Variants in SLC14A2 observed in about 807,000 individuals in gnomAD.
SLC14A2 encodes solute carrier family 14 member 2, also known as urea transporter 2.
A neutral mutation model predicts 104.6 loss-of-function variants in SLC14A2; 91 were observed. The observed-to-expected ratio is 0.87, with a 90% CI of 0.73 to 1.04. The LOEUF is 1.04. Among genes scored for constraint, SLC14A2 ranks in the 50% least tolerant of loss-of-function variants. The pLI is 0.00. For synonymous variants in SLC14A2, 476 were observed against 466.4 expected (o/e 1.02, Z -0.27); for missense variants, 1,189 against 1,156.0 (o/e 1.03, Z -0.41).
intron 1 of SLC14A2, among the ~76,000 whole-genome samples, chr18:45,340,608 G>A (rs1423473869): frequency 2.6e-5 from 4 of 152,206 alleles, no homozygotes; most frequent in Non-Finnish European, 5.9e-5. Flanking sequence ...CCTAAAGCAA[G>A]TTAATGGTAA....
At chr18:45,306,884 C>A (rs957927376) in intron 1 of SLC14A2, among the ~76,000 whole-genome samples, 3 of 152,138 alleles carry the variant, frequency 2.0e-5, no homozygotes, top group Admixed American at 2.0e-4. Context: ...CCACAAGAAC[C>A]ATCTGTTCTC....
chr18:45,424,020 GA>G (rs2086386491), intron 1 of SLC14A2: 2 of 152,196 alleles, frequency 1.3e-5, no homozygotes, highest in South Asian at 4.1e-4. Context: ...CACTGTATTT[GA>G]GATATGCTAA....
chr18:45,215,395 A>G (rs531906816), intron 1 of SLC14A2, among the ~76,000 whole-genome samples: 15 of 152,210 alleles, frequency 9.9e-5, no homozygotes, highest in Admixed American at 2.0e-4. Flanking sequence ...AATTTGCCCT[A>G]GTTTTTCCCT....
intron 1 of SLC14A2, among the ~76,000 whole-genome samples, chr18:45,412,949 G>A (rs1598773582): frequency 6.6e-6 from 1 of 152,196 alleles, no homozygotes; most frequent in Non-Finnish European, 1.5e-5. Flanking sequence ...TTTTTCAAGA[G>A]AAAGCAAAAG....
chr18:45,668,842 G>A (rs889883572), intron 15 of SLC14A2, among the ~76,000 whole-genome samples: 33 of 152,042 alleles, frequency 2.2e-4, no homozygotes, highest in African/African-American at 6.0e-4. Flanking sequence ...CTAAATCCTT[G>A]GGACCCCTGA....
chr18:45,437,172 T>C (rs543681128), intron 1 of SLC14A2, among the ~76,000 whole-genome samples: 1 of 152,342 alleles, frequency 6.6e-6, no homozygotes, highest in South Asian at 2.1e-4. Context: ...TTCTCTCCGA[T>C]TTTTATTGCC....
intron 2 of SLC14A2, among the ~76,000 whole-genome samples, chr18:45,552,382 C>T (rs933323409): frequency 1.3e-5 from 2 of 151,928 alleles, no homozygotes; most frequent in Non-Finnish European, 2.9e-5. Context: ...CTCTCCCCCA[C>T]CCCCTGCATT....
chr18:45,381,199 G>A (rs2085830925), intron 1 of SLC14A2, among the ~76,000 whole-genome samples: 1 of 152,206 alleles, frequency 6.6e-6, no homozygotes. Flanking sequence ...ACCAGCTAGA[G>A]CTGAGCTCTC....
At chr18:45,223,311 C>T (rs927764893) in intron 1 of SLC14A2, among the ~76,000 whole-genome samples, 1 of 151,970 alleles carries the variant, frequency 6.6e-6, no homozygotes, top group Non-Finnish European at 1.5e-5. Context: ...AACAGCCCAC[C>T]GTGGGTCATG....
chr18:45,595,472 C>T (rs1047260690), intron 2 of SLC14A2, among the ~76,000 whole-genome samples: 4 of 151,830 alleles, frequency 2.6e-5, no homozygotes, highest in African/African-American at 9.7e-5. Flanking sequence ...TCAAACCCCA[C>T]ACTTTTGCCA....
chr18:45,593,064 T>A (rs2044671730), intron 2 of SLC14A2, among the ~76,000 whole-genome samples: 1 of 152,080 alleles, frequency 6.6e-6, no homozygotes, highest in Non-Finnish European at 1.5e-5. Flanking sequence ...ACGCCTGTAA[T>A]CCCAGCACTT....
chr18:45,485,267 A>C (rs2087579317), intron 2 of SLC14A2: 1 of 152,228 alleles, frequency 6.6e-6, no homozygotes, highest in Non-Finnish European at 1.5e-5. Context: ...GTATTACTAC[A>C]CTAAATGTAA....
intron 1 of SLC14A2, among the ~76,000 whole-genome samples, chr18:45,474,216 G>A (rs542902695): frequency 5.3e-4 from 80 of 152,236 alleles, no homozygotes; most frequent in Non-Finnish European, 8.7e-4. Flanking sequence ...CTTGCATCCC[G>A]GGGTTGAAGC....
intron 1 of SLC14A2, among the ~76,000 whole-genome samples, chr18:45,280,781 T>C (rs1197393812): frequency 6.6e-6 from 1 of 152,190 alleles, no homozygotes; most frequent in Non-Finnish European, 1.5e-5. Flanking sequence ...GTGGTCTGGC[T>C]TTTGACCCCT....
intron 2 of SLC14A2, among the ~76,000 whole-genome samples, chr18:45,563,642 TA>T (rs1184632001): frequency 1.3e-5 from 2 of 149,898 alleles, no homozygotes; most frequent in Non-Finnish European, 2.9e-5. Flanking sequence ...ATCATTTTTA[TA>T]GAGAGAATAC....
chr18:45,571,033 T>C (rs1213915414), intron 2 of SLC14A2, among the ~76,000 whole-genome samples: 1 of 152,190 alleles, frequency 6.6e-6, no homozygotes, highest in Non-Finnish European at 1.5e-5. Flanking sequence ...AAATGACATG[T>C]CATTAAAGGT....
At chr18:45,662,482 A>C (rs547279474) in intron 10 of SLC14A2, among the ~76,000 whole-genome samples, 2 of 152,270 alleles carry the variant, frequency 1.3e-5, no homozygotes, top group African/African-American at 4.8e-5. Context: ...ATCTTGTTAA[A>C]AGCCAATTCA....
rs2144550249 is a variant in SLC14A2, at chr18:45,639,795, A to T, written c.893A>T (p.Asn298Ile). The change falls in exon 7 of 20, where the codon AAT becomes ATT. Residue 298 changes from asparagine (N) to isoleucine (I), a missense_variant. Coordinates refer to ENST00000255226, the MANE Select transcript of SLC14A2 (RefSeq NM_007163.4). ...GTCGGCCAGGTGTATGGCTGTGACA[A>T]TCCCTGGACAGGCGGCGTGTTCCTG... ...VGVGQVYGCD[N>I]PWTGGVFLVA... is the part of the protein sequence containing the mutation. 6.2e-7 allele frequency: 1 copy of T among 1,614,014 alleles called. No individual in the cohort carries two copies. The highest frequency in any genetic ancestry group is 2.2e-5 in the East Asian group (1 of 44,866).
intron 1 of SLC14A2, among the ~76,000 whole-genome samples, chr18:45,265,185 C>T (rs2084579320): frequency 6.6e-6 from 1 of 152,110 alleles, no homozygotes; most frequent in Non-Finnish European, 1.5e-5. Flanking sequence ...GAGGTTGGAT[C>T]AGAAGTCAGA....
Sources: gnomAD v4.1 joint callset for allele counts (sites outside exome capture counted in the v4.1 genomes callset) on GRCh38, gnomAD v4.1.1 for gene constraint, MANE v1.5 for transcripts, NCBI Gene and HGNC (gene_info 2026-07-23, HGNC 2026-07-21) for gene names.